AGBL4: variants seen among roughly 807,000 people sequenced by gnomAD.
AGBL4 encodes cytosolic carboxypeptidase 6.
A neutral mutation model predicts 66.4 loss-of-function variants in AGBL4; 58 were observed. That is an observed-to-expected ratio of 0.87 (90% confidence interval 0.71 to 1.09). AGBL4 has a LOEUF of 1.09. AGBL4 is among the 50% of genes least tolerant of loss of function. The pLI, the probability that AGBL4 is intolerant of heterozygous loss-of-function variation, is 0.00. For missense variants in AGBL4, 579 were observed against 631.0 expected, an observed-to-expected ratio of 0.92 and a Z score of 0.88; for synonymous variants, 234 against 222.9, an observed-to-expected ratio of 1.05 and a Z score of -0.44.
At chr1:49,569,073 T>C (rs977811862) in intron 3 of AGBL4, among the ~76,000 whole-genome samples, 1 of 152,166 alleles carries the variant, frequency 6.6e-6, no homozygotes, top group African/African-American at 2.4e-5. Context: ...ATCTTGTCAT[T>C]TGCAACAACA....
chr1:48,894,345 T>A (rs1467812994), intron 5 of AGBL4, among the ~76,000 whole-genome samples: 2 of 152,340 alleles, frequency 1.3e-5, no homozygotes, highest in South Asian at 2.1e-4. Flanking sequence ...CTCAGGTTAA[T>A]TAATTTTCTC....
chr1:49,938,298 A>G (rs916799878), intron 1 of AGBL4, among the ~76,000 whole-genome samples: 6 of 152,226 alleles, frequency 3.9e-5, no homozygotes, highest in African/African-American at 1.4e-4. Context: ...TAAACCAGGA[A>G]GAAGTTGAAT....
intron 3 of AGBL4, among the ~76,000 whole-genome samples, chr1:49,633,172 T>C (rs1193077955): frequency 2.6e-5 from 4 of 152,034 alleles, no homozygotes; most frequent in Non-Finnish European, 5.9e-5. Flanking sequence ...GAAAATACAT[T>C]AGCCAACACC....
At chr1:48,978,135 C>T (rs1326466437) in intron 5 of AGBL4, among the ~76,000 whole-genome samples, 2 of 148,698 alleles carry the variant, frequency 1.3e-5, no homozygotes, top group Non-Finnish European at 2.9e-5. Flanking sequence ...AAGGTGAAAA[C>T]ACGAAGTTCA....
At chr1:48,915,659 T>C (rs1020324619) in intron 5 of AGBL4, among the ~76,000 whole-genome samples, 2 of 152,132 alleles carry the variant, frequency 1.3e-5, no homozygotes, top group Admixed American at 1.3e-4. Flanking sequence ...CGTAAGTTCT[T>C]AGGCTAATCC....
At chr1:49,324,624 G>A (rs1645193888) in intron 3 of AGBL4, among the ~76,000 whole-genome samples, 1 of 152,182 alleles carries the variant, frequency 6.6e-6, no homozygotes, top group South Asian at 2.1e-4. Context: ...CAGGTATCTA[G>A]GAGTGACCTT....
At chr1:49,874,038 A>G (rs1439791626) in intron 1 of AGBL4, among the ~76,000 whole-genome samples, 1 of 152,142 alleles carries the variant, frequency 6.6e-6, no homozygotes, top group Non-Finnish European at 1.5e-5. Flanking sequence ...GACATAAACC[A>G]GTGGATCAGA....
chr1:49,848,944 G>A (rs1646229627), intron 2 of AGBL4, among the ~76,000 whole-genome samples: 1 of 152,128 alleles, frequency 6.6e-6, no homozygotes, highest in Admixed American at 6.5e-5. Context: ...GGATCTATGT[G>A]ACTTTGTGTA....
At chr1:48,965,765 G>A (rs1274564211) in intron 5 of AGBL4, among the ~76,000 whole-genome samples, 2 of 152,140 alleles carry the variant, frequency 1.3e-5, no homozygotes, top group African/African-American at 4.8e-5. Context: ...ACTTATATTT[G>A]CCTGCTATAC....
intron 3 of AGBL4, among the ~76,000 whole-genome samples, chr1:49,421,510 AAT>A (rs1259464955): frequency 6.6e-6 from 1 of 152,214 alleles, no homozygotes; most frequent in African/African-American, 2.4e-5. Flanking sequence ...TCGTGTTTTC[AAT>A]GTTTGTTATC....
chr1:48,607,661 T>C (rs1032677078), intron 9 of AGBL4, among the ~76,000 whole-genome samples: 2 of 151,930 alleles, frequency 1.3e-5, no homozygotes, highest in African/African-American at 4.8e-5. Context: ...AACGGCACCA[T>C]TCTAGTATCT....
intron 2 of AGBL4, among the ~76,000 whole-genome samples, chr1:49,707,367 C>CTTTTTTTTTTTTTTT (rs34368394): frequency 1.4e-4 from 11 of 76,218 alleles, no homozygotes; most frequent in Non-Finnish European, 2.2e-4. Context: ...GCAACCCCTG[C>CTTTTTTTTTTTTTTT]TTTTTTTTTT....
At chr1:49,622,678 A>G (rs2124310667) in intron 3 of AGBL4, among the ~76,000 whole-genome samples, 1 of 150,746 alleles carries the variant, frequency 6.6e-6, no homozygotes, top group East Asian at 2.0e-4. Flanking sequence ...AATAATGCCT[A>G]CCTTGCAGGG....
chr1:49,207,623 T>G (rs1422190826), intron 4 of AGBL4, among the ~76,000 whole-genome samples: 1 of 145,284 alleles, frequency 6.9e-6, no homozygotes, highest in Non-Finnish European at 1.5e-5. Context: ...TTTCAAGGTC[T>G]CATTCTGTTG....
chr1:49,591,364 G>GTAGT (rs1644748520), intron 3 of AGBL4, among the ~76,000 whole-genome samples: 1 of 151,676 alleles, frequency 6.6e-6, no homozygotes. Context: ...TAAAGGAATT[G>GTAGT]TAAGTGATAT....
chr1:49,208,886 C>T (rs916897869), intron 4 of AGBL4, among the ~76,000 whole-genome samples: 14 of 152,008 alleles, frequency 9.2e-5, no homozygotes, highest in African/African-American at 1.9e-4. Context: ...CATGCATATA[C>T]GCAAACACAC....
At chr1:49,514,935 T>C (rs1328552977) in intron 3 of AGBL4, among the ~76,000 whole-genome samples, 1 of 152,058 alleles carries the variant, frequency 6.6e-6, no homozygotes. Flanking sequence ...ATAAAAACCC[T>C]AGAAGAAAAC....
intron 6 of AGBL4, among the ~76,000 whole-genome samples, chr1:48,717,097 C>T (rs1647064231): frequency 6.6e-6 from 1 of 152,208 alleles, no homozygotes; most frequent in Non-Finnish European, 1.5e-5. Context: ...CAGTGCAGTG[C>T]CCCATCCCCA....
At chr1:49,165,643 A>G (rs960404224) in intron 4 of AGBL4, among the ~76,000 whole-genome samples, 2 of 151,906 alleles carry the variant, frequency 1.3e-5, no homozygotes, top group African/African-American at 4.8e-5. Flanking sequence ...AAGGGAAAAG[A>G]AGGAGGGAGG....
Sources: gnomAD v4.1 joint callset for allele counts (sites outside exome capture counted in the v4.1 genomes callset) on GRCh38, gnomAD v4.1.1 for gene constraint, MANE v1.5 for transcripts, NCBI Gene and HGNC (gene_info 2026-07-23, HGNC 2026-07-21) for gene names.